Variants in GPC3 observed in about 807,000 individuals in gnomAD.
The protein encoded by GPC3 is glypican 3, also known as glypican-3.
Under a neutral mutation model 34.4 loss-of-function variants are expected in GPC3, and 3 were observed. That is an observed-to-expected ratio of 0.09 (90% CI 0.04 to 0.23). GPC3 has a LOEUF of 0.23. Ranked by LOEUF, GPC3 falls within the 10% of genes least tolerant of loss-of-function variation. The pLI, the probability that GPC3 is intolerant of heterozygous loss-of-function variation, is 1.00. For missense variants in GPC3, 351 were observed against 445.6 expected, an observed-to-expected ratio of 0.79 and a Z score of 1.91; for synonymous variants, 177 against 174.0, an observed-to-expected ratio of 1.02 and a Z score of -0.13.
chrX:133,667,472 C>T (rs764899459), intron 5 of GPC3, among the ~76,000 whole-genome samples: 8 of 111,454 alleles, frequency 7.2e-5, no homozygotes, highest in Non-Finnish European at 1.1e-4. Context: ...ATATTTGGGG[C>T]AATGTTCACA....
rs2124480809 is a variant in GPC3, at chrX:133,754,063, C to T, written c.451G>A (p.Asp151Asn). ...AFEFVGEFFT[D>N]VSLYILGSDI... is the part of the protein sequence containing the mutation. ...GAACCCAAGATGTAGAGAGACACATCTGTGAAAAATTCACCCACAAACTCA... is the reference window on the plus strand; with the variant it reads ...GAACCCAAGATGTAGAGAGACACATTTGTGAAAAATTCACCCACAAACTCA... Residue 151 changes from aspartate (D) to asparagine (N), a missense_variant, in exon 3 of 8, where the codon GAT becomes AAT. By Grantham distance (23) the Asp-to-Asn change is conservative. Coordinates refer to ENST00000370818, the MANE Select transcript of GPC3 (RefSeq NM_004484.4). 1.7e-6 allele frequency: 2 copies of T among 1,209,238 alleles called. No homozygotes were observed. The highest frequency in any genetic ancestry group is 2.2e-6 in the Non-Finnish European group (2 of 893,639).
rs141174972 is a variant in GPC3, at chrX:133,708,625, T to C, written c.1033-8597A>G. Among the ~76,000 whole-genome samples, 825 of 112,034 alleles carry C rather than the reference T, an allele frequency of 7.4e-3. 9 individuals are homozygous for C. Among genetic ancestry groups the C allele is most frequent in the African/African-American group, 0.025 (778 of 30,892 alleles). ...TGCAAGTGTACCCTCTAATCTGTAA[T>C]AAAAGCTGAAACTATTTAAAAAAGA... On this transcript the variant is annotated intron_variant, in intron 3 of 7. Coordinates refer to ENST00000370818, the MANE Select transcript of GPC3 (RefSeq NM_004484.4).
At chrX:133,822,198 C>T (rs1186286327) in intron 2 of GPC3, among the ~76,000 whole-genome samples, 2 of 112,141 alleles carry the variant, frequency 1.8e-5, no homozygotes, top group Non-Finnish European at 3.8e-5. Context: ...TTCCTTTGCC[C>T]AGCATATCCA....
chrX:133,938,539 C>T (rs2076331900), intron 2 of GPC3, among the ~76,000 whole-genome samples: 1 of 111,862 alleles, frequency 8.9e-6, no homozygotes, highest in Non-Finnish European at 1.9e-5. Context: ...AACATGACTT[C>T]CTGCAATCTT....
At chrX:133,611,894 TACC>T (rs1376689759) in intron 6 of GPC3, among the ~76,000 whole-genome samples, 5 of 112,155 alleles carry the variant, frequency 4.5e-5, no homozygotes, top group Non-Finnish European at 9.4e-5. Context: ...TATGTAGTGA[TACC>T]ACAAGTTTGA....
intron 2 of GPC3, among the ~76,000 whole-genome samples, chrX:133,948,747 G>A (rs1003091349): frequency 1.8e-5 from 2 of 111,890 alleles, no homozygotes. Context: ...ACATCCAAGA[G>A]TGCATAAAAT....
At chrX:133,597,122 A>C (rs890525830) in intron 6 of GPC3, among the ~76,000 whole-genome samples, 10 of 112,261 alleles carry the variant, frequency 8.9e-5, no homozygotes, top group African/African-American at 3.2e-4. Context: ...TGCCTTGATC[A>C]CTAGAAAAAT....
intron 2 of GPC3, among the ~76,000 whole-genome samples, chrX:133,855,065 C>T (rs1274616556): frequency 8.9e-6 from 1 of 112,024 alleles, no homozygotes; most frequent in East Asian, 2.8e-4. Flanking sequence ...AGAATGTTAA[C>T]AGTAATTATT....
chrX:133,774,375 T>C (rs1210132280), intron 2 of GPC3, among the ~76,000 whole-genome samples: 1 of 111,719 alleles, frequency 9.0e-6, no homozygotes, highest in Non-Finnish European at 1.9e-5. Flanking sequence ...CCATTTACAA[T>C]GACATATATA....
chrX:133,625,148 T>C (rs1481394821), intron 6 of GPC3, among the ~76,000 whole-genome samples: 2 of 111,601 alleles, frequency 1.8e-5, no homozygotes, highest in Non-Finnish European at 3.8e-5. Flanking sequence ...ATAAACTAGG[T>C]ACTGATGGGA....
intron 6 of GPC3, among the ~76,000 whole-genome samples, chrX:133,611,233 G>C (rs2070108592): frequency 9.3e-6 from 1 of 106,987 alleles, no homozygotes; most frequent in African/African-American, 3.4e-5. Context: ...GTGGGTGGGG[G>C]TGTGGTGGGG....
chrX:133,819,446 C>A (rs1274488030), intron 2 of GPC3, among the ~76,000 whole-genome samples: 1 of 109,837 alleles, frequency 9.1e-6, no homozygotes, highest in Non-Finnish European at 1.9e-5. Flanking sequence ...AAAGTATAGA[C>A]AAACTAAGGT....
intron 7 of GPC3, among the ~76,000 whole-genome samples, chrX:133,567,143 T>C (rs1479738802): frequency 8.9e-6 from 1 of 111,942 alleles, no homozygotes; most frequent in Non-Finnish European, 1.9e-5. Flanking sequence ...TTTCCATTCA[T>C]TCAAATACTT....
chrX:133,948,465 C>G (rs1457837608), intron 2 of GPC3, among the ~76,000 whole-genome samples: 1 of 110,766 alleles, frequency 9.0e-6, no homozygotes, highest in Non-Finnish European at 1.9e-5. Flanking sequence ...TTTTTCATCT[C>G]CACAGAAAGC....
chrX:133,733,455 A>T (rs920379729), intron 3 of GPC3, among the ~76,000 whole-genome samples: 1 of 111,531 alleles, frequency 9.0e-6, no homozygotes, highest in African/African-American at 3.3e-5. Context: ...TAAAAATTTT[A>T]AAAAATCTAA....
intron 2 of GPC3, among the ~76,000 whole-genome samples, chrX:133,926,625 C>T (rs1453185569): frequency 8.9e-6 from 1 of 112,165 alleles, no homozygotes; most frequent in Non-Finnish European, 1.9e-5. Context: ...GACAGACTGA[C>T]GTCAATGTTT....
At chrX:133,655,477 CA>C (rs1415343791) in intron 6 of GPC3, among the ~76,000 whole-genome samples, 1 of 85,447 alleles carries the variant, frequency 1.2e-5, no homozygotes, top group Non-Finnish European at 2.1e-5. Context: ...TTCACACACC[CA>C]CACACACACA....
At chrX:133,622,211 C>A (rs937691465) in intron 6 of GPC3, among the ~76,000 whole-genome samples, 1 of 112,023 alleles carries the variant, frequency 8.9e-6, no homozygotes, top group Non-Finnish European at 1.9e-5. Context: ...GAAACCAGAG[C>A]AGAAAAGCTG....
At chrX:133,654,126 G>C (rs2070628007) in intron 6 of GPC3, among the ~76,000 whole-genome samples, 1 of 111,155 alleles carries the variant, frequency 9.0e-6, no homozygotes, top group Admixed American at 9.5e-5. Context: ...GGCAGCAAAG[G>C]TTAAGTCCTT....
Sources: gnomAD v4.1 joint callset for allele counts (sites outside exome capture counted in the v4.1 genomes callset) on GRCh38, gnomAD v4.1.1 for gene constraint, MANE v1.5 for transcripts, NCBI Gene and HGNC (gene_info 2026-07-23, HGNC 2026-07-21) for gene names.